SVIP: variants seen among roughly 807,000 people sequenced by gnomAD.
SVIP encodes small VCP/p97-interacting protein.
SVIP carries 14 observed loss-of-function variants against 12.9 expected under a neutral mutation model. The ratio of observed to expected loss-of-function variants is 1.08; its 90% CI spans 0.72 to 1.70. The LOEUF is 1.70. SVIP is among the 40% of genes most tolerant of loss of function. SVIP has a pLI of 0.00. For synonymous variants in SVIP, 35 were observed against 33.3 expected (o/e 1.05, Z -0.17); for missense variants, 93 against 90.8 (o/e 1.02, Z -0.10).
At chr11:22,829,321 G>A (rs1044871655) in intron 1 of SVIP, 1 of 201,420 alleles carries the variant, frequency 5.0e-6, no homozygotes, top group Non-Finnish European at 1.0e-5. Context: ...AAGAGCTCCC[G>A]GAGAAAGCAA....
chr11:22,823,232 A>G, intron 3 of SVIP, 99 bp from the exon 4 acceptor site: 2 of 818,806 alleles, frequency 2.4e-6, no homozygotes, highest in Admixed American at 3.1e-5. Context: ...TATGGGACAT[A>G]GAAATACAAA....
At chr11:22,827,974 T>G in intron 1 of SVIP, 100 bp from the exon 2 acceptor site, 1 of 909,878 alleles carries the variant, frequency 1.1e-6, no homozygotes, top group Non-Finnish European at 1.6e-6. Flanking sequence ...TACAAAAATA[T>G]TCGGTACTGG....
At chr11:22,827,651 T>C (rs1857768093) in intron 2 of SVIP, among the ~76,000 whole-genome samples, 173 bp downstream of exon 2, 2 of 152,044 alleles carry the variant, frequency 1.3e-5, no homozygotes, top group South Asian at 4.1e-4. Flanking sequence ...AATATAAATA[T>C]ATTAATGCAA....
At chr11:22,827,066 T>C (rs1210099486) in intron 3 of SVIP, 141 bp downstream of exon 3, 3 of 633,110 alleles carry the variant, frequency 4.7e-6, no homozygotes, top group Non-Finnish European at 8.4e-6. Context: ...TGGTATTACT[T>C]CCAATATTTA....
intron 2 of SVIP, 63 bp from the exon 3 acceptor site, chr11:22,827,383 T>A: frequency 7.3e-7 from 1 of 1,369,298 alleles, no homozygotes; most frequent in Non-Finnish European, 1.0e-6. Flanking sequence ...TGCAAAACAT[T>A]TTTTTGTCTA....
chr11:22,829,419 T>C, intron 1 of SVIP: 1 of 375,684 alleles, frequency 2.7e-6, no homozygotes, highest in Non-Finnish European at 4.8e-6. Context: ...CCTATGAAGA[T>C]CCGGCGCAGC....
At chr11:22,825,730 C>T (rs1426637602) in intron 3 of SVIP, among the ~76,000 whole-genome samples, 1 of 152,006 alleles carries the variant, frequency 6.6e-6, no homozygotes, top group East Asian at 1.9e-4. Context: ...CTTTATTATA[C>T]TTTAAAAGCT....
At chr11:22,827,185 C>T (rs1590173634) in intron 3 of SVIP, 22 bp downstream of exon 3, 3 of 1,566,934 alleles carry the variant, frequency 1.9e-6, no homozygotes, top group East Asian at 2.3e-5. Flanking sequence ...AAGTTAATCA[C>T]TAAGAAAATT....
At chr11:22,828,412 T>C (rs1178995336) in intron 1 of SVIP, among the ~76,000 whole-genome samples, 2 of 152,178 alleles carry the variant, frequency 1.3e-5, no homozygotes, top group African/African-American at 4.8e-5. Flanking sequence ...TACAACAGTG[T>C]AAAAACATAG....
Position 22,827,192 on chromosome 11 carries a change from A to C in SVIP, c.219+15T>G. 1 of 1,591,578 alleles carries C rather than the reference A, an allele frequency of 6.3e-7. No homozygotes were observed. The highest frequency in any genetic ancestry group is 8.6e-7 in the Non-Finnish European group (1 of 1,163,492). On this transcript the variant is annotated intron_variant, in intron 3 of 3. Coordinates refer to ENST00000354193, the MANE Select transcript of SVIP (RefSeq NM_148893.3). ...TGCCAGTTAAGTTAATCACTAAGAA[A>C]ATTTTAATACTTACCCTAAGTCCAC... is the stretch of plus-strand genomic sequence containing the variant.
rs1159555689 is a variant in SVIP at position 22,822,609 on chromosome 11, A to C, written c.*510T>G. Reference sequence around the variant, plus strand: ...TCATTACTAAGTTATAAAAATTTACAGTGCTCCTTCACATCAGCCCTTCAA... The same window carrying C: ...TCATTACTAAGTTATAAAAATTTACCGTGCTCCTTCACATCAGCCCTTCAA... On this transcript the variant is annotated 3_prime_UTR_variant, in exon 4 of 4. Transcript: ENST00000354193. 1 of 152,294 alleles carries C rather than the reference A, an allele frequency of 6.6e-6. No individual in the cohort carries two copies. Among genetic ancestry groups the C allele is most frequent in the African/African-American group, 2.4e-5 (1 of 41,474 alleles). 9.4% of individuals were successfully genotyped at this position (152,294 alleles called of 1,614,324 possible). A position where few individuals can be genotyped will look rare whatever the true frequency, so the allele number is the denominator to read the frequency against.
intron 1 of SVIP, 35 bp downstream of exon 1, chr11:22,829,660 G>C: frequency 6.4e-7 from 1 of 1,557,498 alleles, no homozygotes; most frequent in Non-Finnish European, 8.7e-7. Flanking sequence ...TGCTCAAGGC[G>C]CGGCCCGGCG....
Position 22,827,336 on chromosome 11 carries a change from T to A in SVIP, c.106-16A>T. ...GAGATGCAGCCTTGAAGAAATTTGA[T>A]AAGAAAAACAGAAAGACAACAAAAA... On this transcript the variant is annotated splice_polypyrimidine_tract_variant and intron_variant, in intron 2 of 3. Coordinates refer to ENST00000354193, the MANE Select transcript of SVIP (RefSeq NM_148893.3). The A allele has an allele frequency of 6.3e-7, 1 of 1,581,338 alleles. No homozygotes were observed. The highest frequency in any genetic ancestry group is 2.3e-5 in the East Asian group (1 of 43,848).
At position 22,827,875 on chromosome 11, in the gene SVIP, CTAAA is replaced by C. The variant is rs752337360; in HGVS notation, c.55-5_55-2del. ...CTGCAAGCTTTGCTCTTTTCTCTTC[CTAAA>C]TAAATGTGTAAAAATATGTATTAAA... On this transcript the variant is annotated splice_acceptor_variant and splice_polypyrimidine_tract_variant and intron_variant, in intron 1 of 3. Coordinates refer to ENST00000354193, the MANE Select transcript of SVIP (RefSeq NM_148893.3). LOFTEE classifies it high-confidence loss of function. The C allele has an allele frequency of 1.0e-4, 156 of 1,566,574 alleles. No individual in the cohort carries two copies. Among genetic ancestry groups the C allele is most frequent in the Middle Eastern group, 3.4e-4 (2 of 5,894 alleles).
chr11:22,827,730 C>G, intron 2 of SVIP, 94 bp downstream of exon 2: 1 of 941,230 alleles, frequency 1.1e-6, no homozygotes, highest in Non-Finnish European at 1.6e-6. Flanking sequence ...ATATCAAAGG[C>G]CATTTGCGTT....
Position 22,823,123 on chromosome 11 carries a change from GA to G in SVIP, c.229del (p.Ser77HisfsTer4), listed in dbSNP as rs1370590269. The G allele has an allele frequency of 4.4e-6, 7 of 1,593,664 alleles. No homozygotes were observed. Among genetic ancestry groups the G allele is most frequent in the African/African-American group, 2.7e-5 (2 of 74,176 alleles). On this transcript the variant is annotated frameshift_variant, in exon 4 of 4. Coordinates refer to ENST00000354193, the MANE Select transcript of SVIP (RefSeq NM_148893.3). LOFTEE classifies it high-confidence loss of function. ...PPEGGLRWTV[S>X] Reference sequence around the variant, plus strand: ...TTCTTCTACTCATGTTATGCTTTATGAAACTGTCCACTAGAAAAGATAAAAA... The same window carrying G: ...TTCTTCTACTCATGTTATGCTTTATGAACTGTCCACTAGAAAAGATAAAAA...
Position 22,827,447 on chromosome 11 carries a change from A to C in SVIP, c.106-127T>G. The C allele has an allele frequency of 2.2e-5, 16 of 726,542 alleles. No homozygotes were observed. The South Asian group carries it at 2.6e-4, about 12-fold the overall frequency. The allele number at this position is 726,542 out of a possible 1,614,324, so 45.0% of individuals were successfully genotyped here. A position where few individuals can be genotyped will look rare whatever the true frequency, so the allele number is the denominator to read the frequency against. ...GTAGGGAGTTGGTTTATTTTTGGTA[A>C]CATAGAAGGAGTGTTTCTACAACAG... is the stretch of plus-strand genomic sequence containing the variant. On this transcript the variant is annotated intron_variant, in intron 2 of 3. Transcript: ENST00000354193.
At position 22,819,852 on chromosome 11, in the gene SVIP, G is replaced by C. The variant is rs1262304959; in HGVS notation, c.*3267C>G. On this transcript the variant is annotated 3_prime_UTR_variant, in exon 4 of 4. Coordinates refer to ENST00000354193, the MANE Select transcript of SVIP (RefSeq NM_148893.3). Reference sequence around the variant, plus strand: ...AAAGTATGATATCCACAGGAGTAATGTATGAATACTTAATTTGTAGGCAAT... The same window carrying C: ...AAAGTATGATATCCACAGGAGTAATCTATGAATACTTAATTTGTAGGCAAT... 6.6e-6 allele frequency: 1 copy of C among 152,202 alleles called. No individual in the cohort carries two copies. The highest frequency in any genetic ancestry group is 2.4e-5 in the African/African-American group (1 of 41,438). 9.4% of individuals were successfully genotyped at this position (152,202 alleles called of 1,614,324 possible). A position where few individuals can be genotyped will look rare whatever the true frequency, so the allele number is the denominator to read the frequency against.
intron 2 of SVIP, 148 bp downstream of exon 2, chr11:22,827,672 TAAGG>T (rs1288667605): frequency 2.0e-6 from 1 of 508,662 alleles, no homozygotes; most frequent in East Asian, 3.5e-5. Flanking sequence ...TTCATATAAA[TAAGG>T]AAATCATTTT....
Sources: allele counts gnomAD v4.1 joint callset (sites outside exome capture counted in the v4.1 genomes callset), GRCh38; gene constraint gnomAD v4.1.1; transcripts MANE v1.5; gene names NCBI Gene and HGNC (gene_info 2026-07-23, HGNC 2026-07-21).